COL8A1: variants seen among roughly 807,000 people sequenced by gnomAD.
COL8A1 encodes collagen alpha-1(VIII) chain.
COL8A1 carries 21 observed loss-of-function variants against 42.7 expected under a neutral mutation model. The observed-to-expected ratio is 0.49, with a 90% CI of 0.35 to 0.71. The LOEUF (loss-of-function observed/expected upper bound fraction) is 0.71, where lower values mean the gene tolerates loss of function less well. COL8A1 is among the 30% of genes least tolerant of loss of function. COL8A1 has a pLI of 0.01. For synonymous variants in COL8A1, 367 were observed against 369.1 expected (o/e 0.99, Z 0.06); for missense variants, 788 against 962.4 (o/e 0.82, Z 2.40).
At chr3:99,664,826 G>A (rs1276238289) in intron 1 of COL8A1, among the ~76,000 whole-genome samples, 1 of 152,254 alleles carries the variant, frequency 6.6e-6, no homozygotes, top group Non-Finnish European at 1.5e-5. Flanking sequence ...TGGCCATGCA[G>A]CCCCAGTGCT....
At chr3:99,640,053 T>C (rs1227679266) in intron 1 of COL8A1, among the ~76,000 whole-genome samples, 1 of 152,220 alleles carries the variant, frequency 6.6e-6, no homozygotes, top group Non-Finnish European at 1.5e-5. Context: ...ATATCAAAAG[T>C]AATAAAAATA....
chr3:99,679,657 C>T (rs1938807264), intron 1 of COL8A1: 1 of 152,190 alleles, frequency 6.6e-6, no homozygotes, highest in African/African-American at 2.4e-5. Flanking sequence ...TCTAAGTTTG[C>T]TTGCCTCATC....
intron 1 of COL8A1, among the ~76,000 whole-genome samples, chr3:99,697,821 CTTT>C (rs1030168841): frequency 1.3e-5 from 2 of 152,146 alleles, no homozygotes; most frequent in African/African-American, 4.8e-5. Context: ...TATTTTTCTT[CTTT>C]TTTTAATAAT....
chr3:99,645,043 C>G (rs1937617354), intron 1 of COL8A1, among the ~76,000 whole-genome samples: 1 of 152,306 alleles, frequency 6.6e-6, no homozygotes, highest in Non-Finnish European at 1.5e-5. Flanking sequence ...CAAATATTAA[C>G]AGCTGACCGA....
At chr3:99,690,287 G>A (rs1939179424) in intron 1 of COL8A1, among the ~76,000 whole-genome samples, 1 of 152,138 alleles carries the variant, frequency 6.6e-6, no homozygotes, top group African/African-American at 2.4e-5. Flanking sequence ...AAACTTAAAG[G>A]AAAATATATA....
intron 1 of COL8A1, among the ~76,000 whole-genome samples, chr3:99,709,996 T>C (rs1389452125): frequency 6.6e-6 from 1 of 152,188 alleles, no homozygotes; most frequent in African/African-American, 2.4e-5. Context: ...CTCAGAATTA[T>C]ACTTGCTATT....
chr3:99,756,280 A>G (rs1941252417), intron 2 of COL8A1, among the ~76,000 whole-genome samples: 1 of 152,096 alleles, frequency 6.6e-6, no homozygotes, highest in Non-Finnish European at 1.5e-5. Flanking sequence ...AAAGTGAAAA[A>G]GACTTTTAGT....
chr3:99,722,364 C>A (rs1940179894), intron 1 of COL8A1, among the ~76,000 whole-genome samples: 1 of 152,052 alleles, frequency 6.6e-6, no homozygotes, highest in African/African-American at 2.4e-5. Flanking sequence ...TAATAAACTG[C>A]AAAGTGATTT....
intron 1 of COL8A1, among the ~76,000 whole-genome samples, chr3:99,719,088 A>C (rs1455430356): frequency 6.6e-6 from 1 of 152,084 alleles, no homozygotes; most frequent in Non-Finnish European, 1.5e-5. Flanking sequence ...CTAAGTAGAG[A>C]TATTAATAGC....
At chr3:99,677,096 T>C (rs2107319097) in intron 1 of COL8A1, among the ~76,000 whole-genome samples, 1 of 150,490 alleles carries the variant, frequency 6.6e-6, no homozygotes, top group East Asian at 1.9e-4. Context: ...GAGAAAGAAA[T>C]TATATATATG....
chr3:99,719,160 A>G (rs1940081783), intron 1 of COL8A1, among the ~76,000 whole-genome samples: 1 of 152,106 alleles, frequency 6.6e-6, no homozygotes, highest in Non-Finnish European at 1.5e-5. Context: ...TATTTAAATA[A>G]GTATCTAGCA....
intron 1 of COL8A1, among the ~76,000 whole-genome samples, chr3:99,705,612 T>C (rs968769459): frequency 6.6e-6 from 1 of 152,210 alleles, no homozygotes; most frequent in Non-Finnish European, 1.5e-5. Flanking sequence ...TCTATCATAA[T>C]ACTGGTTGAT....
At chr3:99,726,506 T>A (rs1212332454) in intron 1 of COL8A1, among the ~76,000 whole-genome samples, 7 of 151,662 alleles carry the variant, frequency 4.6e-5, no homozygotes, top group Non-Finnish European at 1.0e-4. Flanking sequence ...TCCTGAATGG[T>A]ATTGCCTAGG....
intron 1 of COL8A1, among the ~76,000 whole-genome samples, chr3:99,739,948 CTT>C (rs1940851488): frequency 6.6e-6 from 1 of 152,200 alleles, no homozygotes; most frequent in Non-Finnish European, 1.5e-5. Context: ...TCTGCTTCCT[CTT>C]GAACACTTTG....
intron 1 of COL8A1, among the ~76,000 whole-genome samples, chr3:99,726,004 T>C (rs994524674): frequency 6.6e-6 from 1 of 152,200 alleles, no homozygotes; most frequent in African/African-American, 2.4e-5. Context: ...ACTTCCACAG[T>C]TGTTGAACTA....
At chr3:99,662,511 T>A (rs919397561) in intron 1 of COL8A1, among the ~76,000 whole-genome samples, 1 of 152,222 alleles carries the variant, frequency 6.6e-6, no homozygotes, top group Non-Finnish European at 1.5e-5. Flanking sequence ...AAAGATGCTG[T>A]ACATATGCAT....
intron 1 of COL8A1, among the ~76,000 whole-genome samples, chr3:99,725,495 A>T (rs548867673): frequency 6.0e-5 from 9 of 151,230 alleles, no homozygotes; most frequent in African/African-American, 1.9e-4. Context: ...TACATGTGCC[A>T]TGTTGGTGTG....
chr3:99,758,486 G>A (rs181930191), intron 2 of COL8A1, among the ~76,000 whole-genome samples: 118 of 152,248 alleles, frequency 7.8e-4, no homozygotes, highest in Non-Finnish European at 1.2e-3. Context: ...TTTGCAGTGC[G>A]GGCAATTGGT....
chr3:99,749,821 G>A (rs1025773039), intron 2 of COL8A1, among the ~76,000 whole-genome samples: 1 of 151,964 alleles, frequency 6.6e-6, no homozygotes, highest in Non-Finnish European at 1.5e-5. Context: ...AGAACAAGGA[G>A]AGATGAAAGC....
Sources: allele counts gnomAD v4.1 joint callset (sites outside exome capture counted in the v4.1 genomes callset), GRCh38; gene constraint gnomAD v4.1.1; transcripts MANE v1.5; gene names NCBI Gene and HGNC (gene_info 2026-07-23, HGNC 2026-07-21).